PARD3B: variants seen among roughly 807,000 people sequenced by gnomAD.
PARD3B encodes the protein par-3 family cell polarity regulator beta.
PARD3B carries 103 observed loss-of-function variants against 130.2 expected under a neutral mutation model. The observed-to-expected ratio is 0.79, with a 90% CI of 0.67 to 0.93. PARD3B has a LOEUF of 0.93. Ranked by LOEUF, PARD3B falls within the 40% of genes least tolerant of loss-of-function variation. The probability of loss-of-function intolerance (pLI) is 0.00; values close to 1 mark genes in which losing one functional copy is unlikely to be tolerated. For missense variants in PARD3B, 1,609 were observed against 1,499.2 expected (o/e 1.07, Z -1.21); for synonymous variants, 583 against 553.2 (o/e 1.05, Z -0.76).
intron 2 of PARD3B, among the ~76,000 whole-genome samples, chr2:204,881,717 A>C (rs775142030): frequency 2.6e-5 from 4 of 152,188 alleles, no homozygotes; most frequent in Non-Finnish European, 5.9e-5. Flanking sequence ...CTGAAGCTCT[A>C]TGTGTCTTGG....
chr2:205,206,428 CA>C (rs1311942551), intron 15 of PARD3B, among the ~76,000 whole-genome samples: 1 of 145,744 alleles, frequency 6.9e-6, no homozygotes, highest in Non-Finnish European at 1.5e-5. Context: ...CATGTGATCT[CA>C]TTGTTCAAGT....
intron 2 of PARD3B, among the ~76,000 whole-genome samples, chr2:204,756,676 C>T (rs185047595): frequency 1.6e-4 from 25 of 152,150 alleles, no homozygotes; most frequent in African/African-American, 4.6e-4. Context: ...CCAGACTTGC[C>T]GTCATTCCTA....
rs993935126 is a variant in PARD3B at position 205,118,862 on chromosome 2, G to A, written c.681-59G>A. ...ATGTATTTCTGAATAGTTGCAAGTG[G>A]AGAAATAATTAGCATTTATTATTCA... On this transcript the variant is annotated intron_variant, in intron 6 of 22. Transcript: ENST00000406610. The A allele has an allele frequency of 2.5e-6, 3 of 1,198,202 alleles. No individual in the cohort carries two copies. The South Asian group carries it at 5.0e-5, about 20-fold the overall frequency. The allele number at this position is 1,198,202 out of a possible 1,614,324, so 74.2% of individuals were successfully genotyped here. A position where few individuals can be genotyped will look rare whatever the true frequency, so the allele number is the denominator to read the frequency against.
At chr2:205,483,900 G>A (rs747634091) in intron 20 of PARD3B, among the ~76,000 whole-genome samples, 3 of 152,074 alleles carry the variant, frequency 2.0e-5, no homozygotes, top group Non-Finnish European at 2.9e-5. Flanking sequence ...AAACTATCTC[G>A]AATAAAACAT....
chr2:204,901,208 A>G (rs911015807), intron 2 of PARD3B, among the ~76,000 whole-genome samples: 1 of 152,140 alleles, frequency 6.6e-6, no homozygotes, highest in African/African-American at 2.4e-5. Context: ...CCTTGGTCCC[A>G]GGTGGATCCA....
At chr2:204,704,976 C>T (rs1364154627) in intron 2 of PARD3B, among the ~76,000 whole-genome samples, 2 of 152,020 alleles carry the variant, frequency 1.3e-5, no homozygotes, top group South Asian at 4.2e-4. Context: ...TAGAGCTGCC[C>T]AATTTTAATG....
intron 15 of PARD3B, among the ~76,000 whole-genome samples, chr2:205,195,353 C>T (rs1285946273): frequency 1.3e-5 from 2 of 152,174 alleles, no homozygotes; most frequent in African/African-American, 4.8e-5. Flanking sequence ...TACTCAACAG[C>T]ATGCTGTAAA....
rs149549368 is a variant in PARD3B, at chr2:204,742,651, C to A, written c.222+56369C>A. 3.0e-4 allele frequency among the ~76,000 whole-genome samples: 45 copies of A among 152,272 alleles called. No homozygotes were observed. In the East Asian group the frequency reaches 8.3e-3, roughly 28 times the overall value. ...CTCAGTTGATTCTTCTCATTGATAC[C>A]TTTGCCTTTAGCACTGTGTAAACTC... On this transcript the variant is annotated intron_variant, in intron 2 of 22. Transcript: ENST00000406610.
At chr2:205,443,084 G>A (rs891406073) in intron 20 of PARD3B, among the ~76,000 whole-genome samples, 7 of 152,126 alleles carry the variant, frequency 4.6e-5, no homozygotes, top group Admixed American at 1.3e-4. Flanking sequence ...CAAGCAAGCC[G>A]ATTTTGTCCT....
intron 22 of PARD3B, among the ~76,000 whole-genome samples, chr2:205,588,148 G>A (rs1038816311): frequency 1.3e-5 from 2 of 152,188 alleles, no homozygotes; most frequent in Non-Finnish European, 2.9e-5. Context: ...TCTATTTTCA[G>A]CCATACTAAG....
chr2:204,843,588 C>A (rs2044336609), intron 2 of PARD3B, among the ~76,000 whole-genome samples: 1 of 151,996 alleles, frequency 6.6e-6, no homozygotes, highest in Non-Finnish European at 1.5e-5. Flanking sequence ...CGAGGTTTCG[C>A]CATGTTAGCC....
At chr2:205,539,266 G>A (rs2052011594) in intron 21 of PARD3B, among the ~76,000 whole-genome samples, 3 of 152,166 alleles carry the variant, frequency 2.0e-5, no homozygotes, top group Admixed American at 2.0e-4. Flanking sequence ...CCTTTGTCCT[G>A]GTCAGGGTAG....
At chr2:204,740,418 T>C (rs896355379) in intron 2 of PARD3B, among the ~76,000 whole-genome samples, 2 of 152,208 alleles carry the variant, frequency 1.3e-5, no homozygotes, top group Admixed American at 6.5e-5. Context: ...GCTTCAGTTA[T>C]CTATTTCTGT....
rs536076867 is a variant in PARD3B at position 205,138,193 on chromosome 2, C to G, written c.1434+12456C>G. On this transcript the variant is annotated intron_variant, in intron 10 of 22. Coordinates refer to ENST00000406610, the MANE Select transcript of PARD3B (RefSeq NM_001302769.2). Reference sequence around the variant, plus strand: ...GTTCATGAATTTCTTATTGGGAAATCTTTTCCCAATAATTCTTATTCTTAT... The same window carrying G: ...GTTCATGAATTTCTTATTGGGAAATGTTTTCCCAATAATTCTTATTCTTAT... 2.6e-5 allele frequency among the ~76,000 whole-genome samples: 4 copies of G among 152,094 alleles called. No homozygotes were observed. The East Asian group carries it at 7.7e-4, about 29-fold the overall frequency.
intron 2 of PARD3B, among the ~76,000 whole-genome samples, chr2:204,948,293 C>G (rs987032794): frequency 6.6e-6 from 1 of 152,166 alleles, no homozygotes; most frequent in African/African-American, 2.4e-5. Flanking sequence ...TTTTCAGAGG[C>G]AGAGAAAATG....
intron 4 of PARD3B, among the ~76,000 whole-genome samples, chr2:205,079,979 C>A (rs916849458): frequency 6.6e-6 from 1 of 152,140 alleles, no homozygotes; most frequent in Non-Finnish European, 1.5e-5. Flanking sequence ...AGAATTAGAA[C>A]TTTTCAGGTT....
At chr2:205,005,390 C>A (rs1695177106) in intron 3 of PARD3B, among the ~76,000 whole-genome samples, 1 of 151,976 alleles carries the variant, frequency 6.6e-6, no homozygotes, top group African/African-American at 2.4e-5. Context: ...AATATGATGT[C>A]CCAAATTGAG....
At chr2:204,565,002 T>A (rs1040823061) in intron 1 of PARD3B, among the ~76,000 whole-genome samples, 1 of 152,230 alleles carries the variant, frequency 6.6e-6, no homozygotes, top group African/African-American at 2.4e-5. Context: ...AATCAAGATA[T>A]CGCCTAGGCT....
chr2:204,989,418 C>T (rs779389254), intron 3 of PARD3B, among the ~76,000 whole-genome samples: 13 of 151,916 alleles, frequency 8.6e-5, no homozygotes, highest in Non-Finnish European at 1.6e-4. Flanking sequence ...TAGAGGCCAG[C>T]GAAAGGATTT....
Sources: allele counts gnomAD v4.1 joint callset (sites outside exome capture counted in the v4.1 genomes callset), GRCh38; gene constraint gnomAD v4.1.1; transcripts MANE v1.5; gene names NCBI Gene and HGNC (gene_info 2026-07-23, HGNC 2026-07-21).